PPP1R9A: variants seen among roughly 807,000 people sequenced by gnomAD.
PPP1R9A encodes the protein neurabin-1.
In PPP1R9A, 59 loss-of-function variants were observed where a neutral mutation model predicts 141.9. The ratio of observed to expected loss-of-function variants is 0.42; its 90% CI spans 0.34 to 0.52. The LOEUF is 0.52. Among genes scored for constraint, PPP1R9A ranks in the 20% least tolerant of loss-of-function variants. The pLI is 0.10. For synonymous variants in PPP1R9A, 500 were observed against 569.7 expected (o/e 0.88, Z 1.74); for missense variants, 1,444 against 1,611.9 (o/e 0.90, Z 1.78).
chr7:95,098,534 C>T (rs1352218899), intron 2 of PPP1R9A, among the ~76,000 whole-genome samples: 4 of 152,134 alleles, frequency 2.6e-5, no homozygotes, highest in South Asian at 2.1e-4. Flanking sequence ...TAATGTTAAC[C>T]TTCTTAAGAT....
chr7:94,974,654 A>T (rs1799231358), intron 2 of PPP1R9A, among the ~76,000 whole-genome samples: 1 of 152,190 alleles, frequency 6.6e-6, no homozygotes, highest in Non-Finnish European at 1.5e-5. Context: ...TTCTAAAAAA[A>T]CATTGACGCT....
intron 2 of PPP1R9A, among the ~76,000 whole-genome samples, chr7:95,032,672 C>A (rs1807854565): frequency 6.6e-6 from 1 of 152,106 alleles, no homozygotes; most frequent in South Asian, 2.1e-4. Context: ...TCAGGAGAAT[C>A]TTTATTTTGG....
At chr7:95,286,965 C>A in intron 18 of PPP1R9A, 1 of 762,474 alleles carries the variant, frequency 1.3e-6, no homozygotes, top group Admixed American at 3.1e-5. Flanking sequence ...ATTCACAAAA[C>A]TTTTTTTTTT....
intron 5 of PPP1R9A, among the ~76,000 whole-genome samples, chr7:95,168,600 A>G (rs188233800): frequency 6.6e-6 from 1 of 152,086 alleles, no homozygotes; most frequent in Admixed American, 6.6e-5. Flanking sequence ...GAGTGAAGAG[A>G]CAGCCTGTTG....
chr7:95,018,372 TTG>T (rs1430724266), intron 2 of PPP1R9A: 1 of 195,120 alleles, frequency 5.1e-6, no homozygotes, highest in Non-Finnish European at 1.2e-5. Flanking sequence ...GATATGTTTC[TTG>T]TGTATCACTA....
intron 2 of PPP1R9A, among the ~76,000 whole-genome samples, chr7:94,976,963 A>G (rs1296780350): frequency 6.6e-6 from 1 of 152,110 alleles, no homozygotes; most frequent in African/African-American, 2.4e-5. Flanking sequence ...GTGTTGCGAT[A>G]TATTGGGAAG....
At chr7:94,968,366 G>T (rs2151196849) in intron 2 of PPP1R9A, among the ~76,000 whole-genome samples, 1 of 152,118 alleles carries the variant, frequency 6.6e-6, no homozygotes, top group South Asian at 2.1e-4. Context: ...TAGAGACGGG[G>T]TTTCACCGTT....
chr7:95,071,479 AT>A (rs1426452731), intron 2 of PPP1R9A, among the ~76,000 whole-genome samples: 1 of 151,732 alleles, frequency 6.6e-6, no homozygotes, highest in Non-Finnish European at 1.5e-5. Flanking sequence ...TCTAGTTGAA[AT>A]TTTTTTTATG....
chr7:95,049,118 G>T (rs6960029), intron 2 of PPP1R9A, among the ~76,000 whole-genome samples: 50,033 of 151,976 alleles, frequency 0.33, 9,668 homozygotes, highest in Non-Finnish European at 0.44. Context: ...CTGGGTGCTT[G>T]GTTGTAGCAT....
intron 2 of PPP1R9A, among the ~76,000 whole-genome samples, chr7:95,107,275 A>G (rs1176612078): frequency 6.6e-6 from 1 of 152,144 alleles, no homozygotes; most frequent in African/African-American, 2.4e-5. Context: ...GAGTTGATAA[A>G]GCCCTTTATA....
chr7:95,278,841 A>G (rs375070576), intron 16 of PPP1R9A, among the ~76,000 whole-genome samples: 2 of 152,194 alleles, frequency 1.3e-5, no homozygotes, highest in African/African-American at 4.8e-5. Flanking sequence ...TGAAATCCCA[A>G]CTCTGCCACT....
chr7:95,012,704 G>A (rs1804596054), intron 2 of PPP1R9A, among the ~76,000 whole-genome samples: 1 of 152,186 alleles, frequency 6.6e-6, no homozygotes, highest in African/African-American at 2.4e-5. Flanking sequence ...CTGATCTGGA[G>A]AAAAGATTTC....
At chr7:95,009,296 A>G (rs1173872743) in intron 2 of PPP1R9A, among the ~76,000 whole-genome samples, 1 of 152,244 alleles carries the variant, frequency 6.6e-6, no homozygotes, top group Non-Finnish European at 1.5e-5. Context: ...AACTTAAAGT[A>G]TAATGAAGAA....
intron 5 of PPP1R9A, among the ~76,000 whole-genome samples, chr7:95,169,208 A>C (rs1455453815): frequency 6.6e-6 from 1 of 151,986 alleles, no homozygotes; most frequent in Non-Finnish European, 1.5e-5. Context: ...ATTTTGCCAT[A>C]AAAAAGGTGA....
chr7:94,972,410 T>A (rs1798949685), intron 2 of PPP1R9A, among the ~76,000 whole-genome samples: 1 of 143,672 alleles, frequency 7.0e-6, no homozygotes, highest in African/African-American at 2.5e-5. Context: ...TTAGGACCAA[T>A]TTTTTTTTTT....
chr7:95,226,420 G>A (rs189931274), intron 8 of PPP1R9A, among the ~76,000 whole-genome samples: 232 of 152,248 alleles, frequency 1.5e-3, no homozygotes, highest in Middle Eastern at 6.8e-3. Flanking sequence ...TTGGTAACTA[G>A]TGATAAGCTT....
chr7:95,041,790 A>G (rs1253296220), intron 2 of PPP1R9A, among the ~76,000 whole-genome samples: 1 of 152,068 alleles, frequency 6.6e-6, no homozygotes, highest in Non-Finnish European at 1.5e-5. Flanking sequence ...ATTACTATAC[A>G]TTATTTTACT....
chr7:95,028,518 A>C (rs1023978510), intron 2 of PPP1R9A, among the ~76,000 whole-genome samples: 1 of 152,204 alleles, frequency 6.6e-6, no homozygotes, highest in African/African-American at 2.4e-5. Context: ...GCATATATTA[A>C]CATGTAATCT....
intron 16 of PPP1R9A, 98 bp downstream of exon 16, chr7:95,274,266 C>A: frequency 8.9e-7 from 1 of 1,126,540 alleles, no homozygotes. Context: ...TATCTTTGAG[C>A]TAAAGTGATA....
Sources: allele counts gnomAD v4.1 joint callset (sites outside exome capture counted in the v4.1 genomes callset), GRCh38; gene constraint gnomAD v4.1.1; transcripts MANE v1.5; gene names NCBI Gene and HGNC (gene_info 2026-07-23, HGNC 2026-07-21).